Variants in EPHA6 observed in about 807,000 individuals in gnomAD.
The protein encoded by EPHA6 is EPH receptor A6, also known as ephrin type-A receptor 6.
In EPHA6, 50 loss-of-function variants were observed where a neutral mutation model predicts 112.0. The observed-to-expected ratio is 0.45, with a 90% CI of 0.36 to 0.56. EPHA6 has a LOEUF of 0.56. EPHA6 is among the 20% of genes least tolerant of loss of function. The pLI, the probability that EPHA6 is intolerant of heterozygous loss-of-function variation, is 0.00. For synonymous variants in EPHA6, 529 were observed against 490.7 expected (o/e 1.08, Z -1.03); for missense variants, 1,280 against 1,417.4 (o/e 0.90, Z 1.56).
chr3:97,071,760 G>T (rs891242661), intron 3 of EPHA6, among the ~76,000 whole-genome samples: 1 of 151,990 alleles, frequency 6.6e-6, no homozygotes, highest in Non-Finnish European at 1.5e-5. Flanking sequence ...GAGGGGAACA[G>T]GTGGTGTTTG....
chr3:97,275,363 A>G (rs552067892), intron 5 of EPHA6, among the ~76,000 whole-genome samples: 1 of 152,318 alleles, frequency 6.6e-6, no homozygotes, highest in South Asian at 2.1e-4. Context: ...AGTACAGCCC[A>G]GGTAATTTGC....
chr3:96,875,007 A>G (rs919124574), intron 2 of EPHA6, among the ~76,000 whole-genome samples: 2 of 152,076 alleles, frequency 1.3e-5, no homozygotes, highest in African/African-American at 4.8e-5. Flanking sequence ...GGAAAGATTA[A>G]GGTAGTTAGC....
chr3:97,603,532 A>G (rs537697501), intron 12 of EPHA6, among the ~76,000 whole-genome samples: 233 of 152,004 alleles, frequency 1.5e-3, no homozygotes, highest in Non-Finnish European at 2.7e-3. Flanking sequence ...AAGGGGGAAA[A>G]TGGAATCGAA....
At chr3:97,382,370 A>G (rs1030497458) in intron 5 of EPHA6, among the ~76,000 whole-genome samples, 1 of 152,098 alleles carries the variant, frequency 6.6e-6, no homozygotes, top group African/African-American at 2.4e-5. Flanking sequence ...TGCCCTGCTT[A>G]GATGAATAAA....
At chr3:97,125,794 A>G (rs1296828608) in intron 3 of EPHA6, among the ~76,000 whole-genome samples, 1 of 152,220 alleles carries the variant, frequency 6.6e-6, no homozygotes, top group Non-Finnish European at 1.5e-5. Context: ...AGCCCAGGAG[A>G]TAGTCTTAAA....
chr3:96,941,260 TC>T (rs1437736063), intron 2 of EPHA6, among the ~76,000 whole-genome samples: 1 of 152,218 alleles, frequency 6.6e-6, no homozygotes, highest in African/African-American at 2.4e-5. Flanking sequence ...TTTGTTCTTT[TC>T]ACATAGTCCC....
At chr3:97,042,732 A>G (rs920859464) in intron 3 of EPHA6, among the ~76,000 whole-genome samples, 2 of 152,056 alleles carry the variant, frequency 1.3e-5, no homozygotes, top group African/African-American at 4.8e-5. Flanking sequence ...GACTTTTTGA[A>G]TCTCTCACTA....
At chr3:96,839,037 T>G (rs2034578769) in intron 1 of EPHA6, among the ~76,000 whole-genome samples, 1 of 152,166 alleles carries the variant, frequency 6.6e-6, no homozygotes, top group African/African-American at 2.4e-5. Context: ...TCTTTATGGC[T>G]TCCATTTTAA....
At chr3:97,036,583 C>T (rs1673364080) in intron 3 of EPHA6, among the ~76,000 whole-genome samples, 1 of 151,916 alleles carries the variant, frequency 6.6e-6, no homozygotes, top group African/African-American at 2.4e-5. Context: ...CTATTTGAGT[C>T]CCTTTGTATA....
At chr3:97,577,527 TGA>T (rs1350989234) in intron 11 of EPHA6, among the ~76,000 whole-genome samples, 1 of 152,090 alleles carries the variant, frequency 6.6e-6, no homozygotes, top group Non-Finnish European at 1.5e-5. Context: ...TCCCCTGTCT[TGA>T]GAGAGCTCAC....
chr3:97,263,938 A>T (rs1440185259), intron 5 of EPHA6, among the ~76,000 whole-genome samples: 3 of 151,450 alleles, frequency 2.0e-5, no homozygotes, highest in Non-Finnish European at 4.4e-5. Context: ...TTTCCATATT[A>T]ATTTCATATA....
At chr3:97,268,935 G>A (rs2079787915) in intron 5 of EPHA6, among the ~76,000 whole-genome samples, 1 of 151,924 alleles carries the variant, frequency 6.6e-6, no homozygotes, top group South Asian at 2.1e-4. Flanking sequence ...TTATAATTAG[G>A]AAAATAAAAT....
At chr3:96,932,514 T>C (rs2040377140) in intron 2 of EPHA6, among the ~76,000 whole-genome samples, 1 of 152,204 alleles carries the variant, frequency 6.6e-6, no homozygotes, top group Non-Finnish European at 1.5e-5. Flanking sequence ...CCATACAAAT[T>C]AGAAATAATG....
chr3:97,665,134 G>A (rs1186068281), intron 14 of EPHA6, among the ~76,000 whole-genome samples: 1 of 152,090 alleles, frequency 6.6e-6, no homozygotes, highest in Non-Finnish European at 1.5e-5. Context: ...CAGACCAATG[G>A]AACAGAACAG....
At chr3:96,852,319 C>A (rs1474486306) in intron 1 of EPHA6, among the ~76,000 whole-genome samples, 1 of 151,892 alleles carries the variant, frequency 6.6e-6, no homozygotes, top group Non-Finnish European at 1.5e-5. Context: ...CATGGTAAAA[C>A]CCCAGAGGCT....
chr3:97,415,694 G>A (rs1404955068), intron 6 of EPHA6, among the ~76,000 whole-genome samples: 1 of 151,958 alleles, frequency 6.6e-6, no homozygotes, highest in Non-Finnish European at 1.5e-5. Flanking sequence ...ATCACAAAAT[G>A]GACATTTCAA....
At chr3:97,546,768 T>G (rs1386208581) in intron 11 of EPHA6, among the ~76,000 whole-genome samples, 2 of 152,214 alleles carry the variant, frequency 1.3e-5, no homozygotes, top group Admixed American at 6.5e-5. Context: ...TCATTTCTTT[T>G]TATTCTTTTT....
chr3:97,160,146 GTAA>G (rs2076378710), intron 3 of EPHA6, among the ~76,000 whole-genome samples: 1 of 152,060 alleles, frequency 6.6e-6, no homozygotes, highest in Non-Finnish European at 1.5e-5. Flanking sequence ...AGCTCATTGG[GTAA>G]TGACAAGGTG....
intron 10 of EPHA6, among the ~76,000 whole-genome samples, chr3:97,530,904 CTG>C (rs898339314): frequency 1.3e-5 from 2 of 151,988 alleles, no homozygotes; most frequent in Non-Finnish European, 2.9e-5. Flanking sequence ...ATTTAGTTGA[CTG>C]TGATAAATTG....
Sources: gnomAD v4.1 joint callset for allele counts (sites outside exome capture counted in the v4.1 genomes callset) on GRCh38, gnomAD v4.1.1 for gene constraint, MANE v1.5 for transcripts, NCBI Gene and HGNC (gene_info 2026-07-23, HGNC 2026-07-21) for gene names.